The following LRMDA variants were observed in gnomAD, a reference collection of about 807,000 sequenced individuals.
LRMDA encodes the protein leucine-rich melanocyte differentiation-associated protein.
A neutral mutation model predicts 29.8 loss-of-function variants in LRMDA; 18 were observed. That is an observed-to-expected ratio of 0.60 (90% CI 0.42 to 0.90). The LOEUF (loss-of-function observed/expected upper bound fraction) is 0.90. LRMDA is among the 40% of genes least tolerant of loss of function. The pLI, the probability that LRMDA is intolerant of heterozygous loss-of-function variation, is 0.00. For missense variants in LRMDA, 273 were observed against 273.9 expected (o/e 1.00, Z 0.02); for synonymous variants, 125 against 109.4 (o/e 1.14, Z -0.89).
chr10:75,691,185 CATAG>C (rs1405150628), intron 2 of LRMDA, among the ~76,000 whole-genome samples: 3 of 111,464 alleles, frequency 2.7e-5, no homozygotes, highest in African/African-American at 3.6e-5. Context: ...TATCTATGTA[CATAG>C]ATATATATAC....
chr10:75,751,077 T>G lies in LRMDA; in HGVS notation c.132-284931T>G, dbSNP rs184404787. 6.6e-3 allele frequency among the ~76,000 whole-genome samples: 1,001 copies of G among 152,188 alleles called. 11 individuals carry two copies. Among genetic ancestry groups the G allele is most frequent in the African/African-American group, 0.022 (924 of 41,522 alleles). ...GTCTGCAATCCCGGCACCTCCGGAG[T>G]CTGAGGCGGGCAGATCACTCGCGGT... On this transcript the variant is annotated intron_variant, in intron 2 of 6. Coordinates refer to ENST00000611255, the MANE Select transcript of LRMDA (RefSeq NM_001305581.2).
intron 6 of LRMDA, among the ~76,000 whole-genome samples, chr10:76,434,890 A>G (rs1422958265): frequency 6.6e-6 from 1 of 152,204 alleles, no homozygotes; most frequent in African/African-American, 2.4e-5. Flanking sequence ...ATTCATTTGT[A>G]GATTAATCAA....
At chr10:75,777,587 C>T (rs997449372) in intron 2 of LRMDA, among the ~76,000 whole-genome samples, 8 of 152,230 alleles carry the variant, frequency 5.3e-5, no homozygotes, top group Non-Finnish European at 7.3e-5. Context: ...TGGGTACCCT[C>T]CTGACTGGGG....
At chr10:75,737,175 C>G (rs898801440) in intron 2 of LRMDA, among the ~76,000 whole-genome samples, 2 of 152,222 alleles carry the variant, frequency 1.3e-5, no homozygotes, top group Non-Finnish European at 2.9e-5. Context: ...CTTGGATCAG[C>G]TCCCTAAATT....
At chr10:76,237,316 AT>A (rs1852170456) in intron 5 of LRMDA, among the ~76,000 whole-genome samples, 1 of 151,974 alleles carries the variant, frequency 6.6e-6, no homozygotes, top group Non-Finnish European at 1.5e-5. Flanking sequence ...CATAAAAATA[AT>A]TTTTCCCACC....
At chr10:76,458,428 A>G (rs1374312728) in intron 6 of LRMDA, among the ~76,000 whole-genome samples, 2 of 152,230 alleles carry the variant, frequency 1.3e-5, no homozygotes, top group Non-Finnish European at 2.9e-5. Flanking sequence ...ACATGCAGGC[A>G]AGTTTATTGA....
Position 76,068,220 on chromosome 10 carries a change from G to C in LRMDA, c.516+9437G>C, listed in dbSNP as rs367623140. On this transcript the variant is annotated intron_variant, in intron 5 of 6. Transcript: ENST00000611255. ...AGCAGATAAGAAGAGCAAATTGTAA[G>C]AAGAAAATATAAAAGAAAACTCATG... Among the ~76,000 whole-genome samples the C allele has an allele frequency of 6.6e-5, 10 of 152,326 alleles. No homozygotes were observed. In the East Asian group the frequency reaches 1.7e-3, roughly 26 times the overall value.
intron 6 of LRMDA, among the ~76,000 whole-genome samples, chr10:76,390,725 A>AG (rs1841713592): frequency 6.6e-6 from 1 of 152,020 alleles, no homozygotes; most frequent in South Asian, 2.1e-4. Context: ...TGGGTACAGT[A>AG]GGGGGTAGGG....
chr10:76,002,957 G>GTTTA (rs1226782908), intron 2 of LRMDA, among the ~76,000 whole-genome samples: 4 of 152,154 alleles, frequency 2.6e-5, no homozygotes, highest in South Asian at 4.1e-4. Flanking sequence ...ACAATCTGCA[G>GTTTA]TTTATTTATT....
chr10:76,502,519 G>T (rs1393092928), intron 6 of LRMDA, among the ~76,000 whole-genome samples: 2 of 151,658 alleles, frequency 1.3e-5, no homozygotes, highest in Non-Finnish European at 3.0e-5. Flanking sequence ...TATTCATGTT[G>T]TCTCTGATTT....
chr10:75,613,668 G>A (rs535935525), intron 2 of LRMDA, among the ~76,000 whole-genome samples: 3 of 152,240 alleles, frequency 2.0e-5, no homozygotes, highest in South Asian at 2.1e-4. Context: ...TGCAAAATGG[G>A]TCACCAAACA....
Position 76,337,620 on chromosome 10 carries a change from C to A in LRMDA, c.601+13135C>A, listed in dbSNP as rs10824404. 6.4e-4 allele frequency among the ~76,000 whole-genome samples: 97 copies of A among 151,942 alleles called. 1 individual carries two copies. The Middle Eastern group carries it at 0.01, about 16-fold the overall frequency. On this transcript the variant is annotated intron_variant, in intron 6 of 6. Transcript: ENST00000611255. ...CTAGGGGGAGAGTGGTAGATGAAGC[C>A]AGAACAATACCAGGGGCTAGAACTT...
chr10:75,690,226 T>G (rs905745933), intron 2 of LRMDA, among the ~76,000 whole-genome samples: 1 of 152,182 alleles, frequency 6.6e-6, no homozygotes, highest in Non-Finnish European at 1.5e-5. Context: ...ATCCTCCTTA[T>G]ATGGATGAGA....
At chr10:75,914,938 C>G (rs1589251727) in intron 2 of LRMDA, among the ~76,000 whole-genome samples, 1 of 152,070 alleles carries the variant, frequency 6.6e-6, no homozygotes, top group Non-Finnish European at 1.5e-5. Flanking sequence ...ATAAAATCCT[C>G]AAAATACACC....
chr10:76,032,545 G>C (rs2132503011), intron 2 of LRMDA, among the ~76,000 whole-genome samples: 1 of 152,306 alleles, frequency 6.6e-6, no homozygotes, highest in East Asian at 1.9e-4. Context: ...ATGTGACTTT[G>C]GAAAAGGCAC....
chr10:75,458,303 G>A (rs987076851), intron 2 of LRMDA, among the ~76,000 whole-genome samples: 10 of 152,158 alleles, frequency 6.6e-5, no homozygotes, highest in Non-Finnish European at 1.2e-4. Context: ...GGCATTGGTT[G>A]TTTATAGGTT....
At chr10:76,339,105 TA>T (rs2132417116) in intron 6 of LRMDA, among the ~76,000 whole-genome samples, 1 of 152,120 alleles carries the variant, frequency 6.6e-6, no homozygotes, top group Admixed American at 6.5e-5. Flanking sequence ...ACATGGAAAA[TA>T]AGGTGATATT....
intron 4 of LRMDA, 57 bp from the exon 5 acceptor site, chr10:76,058,609 G>A: frequency 1.5e-6 from 2 of 1,375,530 alleles, no homozygotes; most frequent in East Asian, 4.6e-5. Context: ...CAAGCTGTCG[G>A]GATCTCTGAG....
chr10:76,359,573 C>T (rs1205856412), intron 6 of LRMDA, among the ~76,000 whole-genome samples: 1 of 152,300 alleles, frequency 6.6e-6, no homozygotes, highest in African/African-American at 2.4e-5. Context: ...AAAGGAGATG[C>T]ACTAAGATGC....
Sources: allele counts gnomAD v4.1 joint callset (sites outside exome capture counted in the v4.1 genomes callset), GRCh38; gene constraint gnomAD v4.1.1; transcripts MANE v1.5; gene names NCBI Gene and HGNC (gene_info 2026-07-23, HGNC 2026-07-21).